The following GNB4 variants were observed in gnomAD, a reference collection of about 807,000 sequenced individuals.
GNB4 encodes G protein subunit beta 4.
In GNB4, 28 loss-of-function variants were observed where a neutral mutation model predicts 45.2. The ratio of observed to expected loss-of-function variants is 0.62; its 90% CI spans 0.46 to 0.85. The LOEUF is 0.85. Among genes scored for constraint, GNB4 ranks in the 40% least tolerant of loss-of-function variants. The pLI is 0.00. For synonymous variants in GNB4, 132 were observed against 143.7 expected (o/e 0.92, Z 0.58); for missense variants, 321 against 425.4 (o/e 0.75, Z 2.16).
the GNB4 span, among the ~76,000 whole-genome samples, chr3:179,505,193 G>A: frequency 1.3e-5 from 2 of 152,162 alleles, no homozygotes; most frequent in African/African-American, 4.8e-5. Context: ...AGAGCAACTG[G>A]AGGAAGATGT....
chr3:179,485,522 A>G, the GNB4 span, among the ~76,000 whole-genome samples: 1 of 152,178 alleles, frequency 6.6e-6, no homozygotes, highest in Non-Finnish European at 1.5e-5. Flanking sequence ...ATGCCTGGAC[A>G]TGTAAACGCC....
chr3:179,438,502 A>G lies in GNB4; in HGVS notation c.-42-12260T>C, dbSNP rs1229820738. The stretch of plus-strand genomic sequence containing the variant: ...TTGGCCCAGCAAGGGAAATATATGA[A>G]GAAGCTATAGCCATGAACACTACTC... On this transcript the variant is annotated intron_variant, in intron 1 of 9. Transcript: ENST00000232564. Among the ~76,000 whole-genome samples the G allele has an allele frequency of 3.9e-5, 6 of 152,264 alleles. No individual in the cohort carries two copies. The East Asian group carries it at 1.2e-3, about 29-fold the overall frequency.
At chr3:179,409,429 T>TTGAA (rs1714579024) in intron 8 of GNB4, among the ~76,000 whole-genome samples, 1 of 151,238 alleles carries the variant, frequency 6.6e-6, no homozygotes, top group Non-Finnish European at 1.5e-5. Flanking sequence ...GGAGAATCAC[T>TTGAA]TGAACCTGGG....
At chr3:179,432,360 C>G (rs1310470447) in intron 1 of GNB4, among the ~76,000 whole-genome samples, 2 of 152,096 alleles carry the variant, frequency 1.3e-5, no homozygotes, top group Non-Finnish European at 2.9e-5. Context: ...ACAACTGATT[C>G]ATTTTGTCAC....
chr3:179,457,001 C>T, the GNB4 span, among the ~76,000 whole-genome samples: 11,413 of 152,214 alleles, frequency 0.075, 665 homozygotes, highest in Middle Eastern at 0.25. Context: ...TCAGACTCTA[C>T]TTAGGAGGTA....
chr3:179,520,516 G>A, the GNB4 span, among the ~76,000 whole-genome samples: 7 of 152,150 alleles, frequency 4.6e-5, no homozygotes, highest in South Asian at 2.1e-4. Context: ...GGTGGCTGCC[G>A]CCGCCCTAAT....
the GNB4 span, among the ~76,000 whole-genome samples, chr3:179,473,799 A>G: frequency 6.6e-5 from 10 of 152,234 alleles, no homozygotes; most frequent in Admixed American, 5.2e-4. Context: ...CAATATCAAT[A>G]TGTAAATGTA....
the GNB4 span, among the ~76,000 whole-genome samples, chr3:179,502,093 C>A: frequency 2.6e-5 from 4 of 152,072 alleles, no homozygotes; most frequent in African/African-American, 7.2e-5. Context: ...GGTATTGTTA[C>A]AATTAAACTT....
At chr3:179,509,528 C>T in the GNB4 span, among the ~76,000 whole-genome samples, 17 of 152,096 alleles carry the variant, frequency 1.1e-4, no homozygotes, top group South Asian at 1.9e-3. Flanking sequence ...GGTCATCCCA[C>T]GCAGTCTCCA....
the GNB4 span, among the ~76,000 whole-genome samples, chr3:179,487,396 TAA>T: frequency 1.3e-5 from 2 of 152,150 alleles, no homozygotes; most frequent in African/African-American, 4.8e-5. Flanking sequence ...AATAAAATCC[TAA>T]GTCCTTCAAC....
chr3:179,522,729 A>G, the GNB4 span, among the ~76,000 whole-genome samples: 34 of 152,188 alleles, frequency 2.2e-4, no homozygotes, highest in Non-Finnish European at 4.0e-4. Context: ...AAAGAAGGAA[A>G]TATGGGGAAA....
In GNB4 at chr3:179,417,533, G is replaced by A. The variant is rs189828096; in HGVS notation, c.204-977C>T. Among the ~76,000 whole-genome samples, 11 of 151,476 alleles carry A rather than the reference G, an allele frequency of 7.3e-5. No individual in the cohort carries two copies. The South Asian group carries it at 1.3e-3, about 17-fold the overall frequency. ...AGTGATTCTCCTGCCTCAGCCTCCC[G>A]AATAGCTGGCATAACAGGTGTGCAC... On this transcript the variant is annotated intron_variant, in intron 4 of 9. Transcript: ENST00000232564.
the GNB4 span, among the ~76,000 whole-genome samples, chr3:179,527,542 G>A: frequency 6.6e-6 from 1 of 152,138 alleles, no homozygotes. Context: ...AATCCAATGA[G>A]AAAACTCTCT....
chr3:179,520,347 CA>C, the GNB4 span, among the ~76,000 whole-genome samples: 3 of 152,112 alleles, frequency 2.0e-5, no homozygotes, highest in East Asian at 5.8e-4. Flanking sequence ...AGCTAATCTC[CA>C]AAACCCCAAT....
chr3:179,468,035 A>AAAAAAAAAAAATATAT, the GNB4 span, among the ~76,000 whole-genome samples: 80 of 89,860 alleles, frequency 8.9e-4, 4 homozygotes, highest in East Asian at 2.0e-3. Context: ...TGTTGATAAA[A>AAAAAAAAAAAATATAT]ATATATATAT....
chr3:179,433,118 A>T (rs1715351524), intron 1 of GNB4, among the ~76,000 whole-genome samples: 1 of 152,212 alleles, frequency 6.6e-6, no homozygotes, highest in Non-Finnish European at 1.5e-5. Context: ...AATGATAAAA[A>T]CACGAAGTGA....
At chr3:179,445,176 T>C (rs1042344526) in intron 1 of GNB4, among the ~76,000 whole-genome samples, 3 of 152,194 alleles carry the variant, frequency 2.0e-5, no homozygotes, top group Non-Finnish European at 4.4e-5. Flanking sequence ...ATCTGTTCCA[T>C]AGAGAAAGTA....
chr3:179,516,127 G>A, the GNB4 span, among the ~76,000 whole-genome samples: 3 of 152,172 alleles, frequency 2.0e-5, no homozygotes, highest in Non-Finnish European at 4.4e-5. Context: ...CTATTCTTGA[G>A]AGAGTCCTCT....
At chr3:179,436,972 G>C (rs778944052) in intron 1 of GNB4, among the ~76,000 whole-genome samples, 1 of 152,084 alleles carries the variant, frequency 6.6e-6, no homozygotes, top group Non-Finnish European at 1.5e-5. Flanking sequence ...TCCTGGTAGG[G>C]TTTATTCTCT....
Sources: allele counts gnomAD v4.1 joint callset (sites outside exome capture counted in the v4.1 genomes callset), GRCh38; gene constraint gnomAD v4.1.1; transcripts MANE v1.5; gene names NCBI Gene and HGNC (gene_info 2026-07-23, HGNC 2026-07-21).